The following KCNAB1 variants were observed in gnomAD, a reference collection of about 807,000 sequenced individuals.
KCNAB1 encodes the protein potassium voltage-gated channel subfamily A regulatory beta subunit 1, also known as voltage-gated potassium channel subunit beta-1.
In KCNAB1, 35 loss-of-function variants were observed where a neutral mutation model predicts 64.6. That is an observed-to-expected ratio of 0.54 (90% confidence interval 0.41 to 0.72). KCNAB1 has a LOEUF of 0.72. Ranked by LOEUF, KCNAB1 falls within the 30% of genes least tolerant of loss-of-function variation. KCNAB1 has a pLI of 0.00. For synonymous variants in KCNAB1, 177 were observed against 183.8 expected (o/e 0.96, Z 0.30); for missense variants, 401 against 512.9 (o/e 0.78, Z 2.11).
chr3:156,120,494 A>G (rs1211498704), upstream of KCNAB1: 2 of 1,140,320 alleles, frequency 1.8e-6, no homozygotes, highest in Non-Finnish European at 2.5e-6. Flanking sequence ...GCTTTGTGGC[A>G]GGATAAGGTT....
intron 1 of KCNAB1, chr3:156,176,036 C>T (rs1356127279): frequency 7.6e-6 from 6 of 788,450 alleles, no homozygotes; most frequent in East Asian, 2.5e-5. Context: ...TTGCTTCCAT[C>T]AGGTGACCAA....
intron 8 of KCNAB1, among the ~76,000 whole-genome samples, chr3:156,495,418 A>T (rs1715944536): frequency 6.6e-6 from 1 of 152,328 alleles, no homozygotes; most frequent in Admixed American, 6.5e-5. Context: ...TATTATAAAG[A>T]TACATGCACA....
chr3:156,296,574 T>C lies in KCNAB1; in HGVS notation c.276-125042T>C, dbSNP rs181568492. ...CTGCAAGGTCCGCCTCCTGGGTTCATGCCATTCTCCTGCCTCAGCCTCCCG... is the reference window on the plus strand; with the variant it reads ...CTGCAAGGTCCGCCTCCTGGGTTCACGCCATTCTCCTGCCTCAGCCTCCCG... On this transcript the variant is annotated intron_variant, in intron 1 of 13. Transcript: ENST00000490337. Among the ~76,000 whole-genome samples the C allele has an allele frequency of 4.3e-3, 648 of 149,096 alleles. 1 individual carries two copies. The highest frequency in any genetic ancestry group is 9.7e-3 in the South Asian group (44 of 4,546).
intron 8 of KCNAB1, 104 bp downstream of exon 8, chr3:156,474,924 A>C: frequency 1.1e-6 from 1 of 928,116 alleles, no homozygotes; most frequent in Non-Finnish European, 1.7e-6. Flanking sequence ...GATCAAACTG[A>C]ATGTGAAAAA....
intron 1 of KCNAB1, among the ~76,000 whole-genome samples, chr3:156,210,640 C>T (rs188390251): frequency 7.6e-4 from 115 of 152,296 alleles, no homozygotes; most frequent in Admixed American, 5.6e-3. Context: ...ATCACCAAAC[C>T]GGGTCCAGAG....
chr3:156,171,188 C>CACAA (rs1162303073), intron 1 of KCNAB1, among the ~76,000 whole-genome samples: 1 of 26,524 alleles, frequency 3.8e-5, no homozygotes, highest in African/African-American at 1.0e-4. Context: ...AAACTTCACG[C>CACAA]ACACATACAC....
chr3:156,485,427 G>A (rs2679596), intron 8 of KCNAB1, among the ~76,000 whole-genome samples: 84,662 of 151,816 alleles, frequency 0.56, 25,022 homozygotes, highest in African/African-American at 0.75. Flanking sequence ...TATCTCCTGA[G>A]AATAAGGCAT....
chr3:156,462,034 T>C (rs148569683), intron 5 of KCNAB1, among the ~76,000 whole-genome samples: 2 of 152,336 alleles, frequency 1.3e-5, no homozygotes, highest in Admixed American at 6.5e-5. Context: ...TACCCACCTG[T>C]AAAATGGACA....
intron 1 of KCNAB1, among the ~76,000 whole-genome samples, chr3:156,146,409 C>T (rs1715040990): frequency 6.6e-6 from 1 of 152,132 alleles, no homozygotes; most frequent in African/African-American, 2.4e-5. Flanking sequence ...AGACAGTAAA[C>T]ACGAGCCTGA....
At chr3:156,304,668 CA>C (rs1721367819) in intron 1 of KCNAB1, among the ~76,000 whole-genome samples, 1 of 152,168 alleles carries the variant, frequency 6.6e-6, no homozygotes, top group Non-Finnish European at 1.5e-5. Flanking sequence ...AGGGCAGAGG[CA>C]GGACTGGAGC....
chr3:156,483,656 A>C lies in KCNAB1; in HGVS notation c.658+8836A>C, dbSNP rs12636365. Among the ~76,000 whole-genome samples, 706 of 152,192 alleles carry C rather than the reference A, an allele frequency of 4.6e-3. 10 individuals carry two copies. In the East Asian group the frequency reaches 0.052, roughly 11 times the overall value. On this transcript the variant is annotated intron_variant, in intron 8 of 13. Transcript: ENST00000490337. ...TGTTTCACTTTCTTTCTTGAGCAGA[A>C]CTGAATAATCTTAAGTCATACAGCA...
intron 8 of KCNAB1, among the ~76,000 whole-genome samples, chr3:156,510,387 T>G (rs1717125154): frequency 6.6e-6 from 1 of 152,140 alleles, no homozygotes; most frequent in Non-Finnish European, 1.5e-5. Context: ...AGTGTCCTTC[T>G]TACCTCTAGG....
At chr3:156,312,703 CAAAAAAAAAAAAAAAAAA>C (rs397991453) in intron 1 of KCNAB1, among the ~76,000 whole-genome samples, 1 of 27,406 alleles carries the variant, frequency 3.6e-5, no homozygotes, top group African/African-American at 1.2e-4. Flanking sequence ...AGACTGTCTC[CAAAAAAAAAAAAAAAAAA>C]AAAAAAAAAA....
chr3:156,296,296 T>C (rs1159014833), intron 1 of KCNAB1, among the ~76,000 whole-genome samples: 1 of 152,176 alleles, frequency 6.6e-6, no homozygotes, highest in Non-Finnish European at 1.5e-5. Context: ...CAGCTACCAG[T>C]GTTTGACATG....
chr3:156,268,204 CTT>C (rs1718831480), intron 1 of KCNAB1, among the ~76,000 whole-genome samples: 2 of 152,226 alleles, frequency 1.3e-5, no homozygotes, highest in South Asian at 4.1e-4. Flanking sequence ...GATAGAATCT[CTT>C]TATTTTTTAT....
chr3:156,134,752 C>T (rs1241046317), intron 1 of KCNAB1, among the ~76,000 whole-genome samples: 2 of 152,208 alleles, frequency 1.3e-5, no homozygotes, highest in African/African-American at 4.8e-5. Flanking sequence ...TTGTAGTCTA[C>T]ATTTTATAAA....
chr3:156,437,336 A>G (rs76793847), intron 2 of KCNAB1, among the ~76,000 whole-genome samples: 2,006 of 152,290 alleles, frequency 0.013, 44 homozygotes, highest in African/African-American at 0.045. Context: ...TTCTATTTCT[A>G]TTTGAATCTG....
intron 1 of KCNAB1, among the ~76,000 whole-genome samples, chr3:156,378,338 C>T (rs947367388): frequency 6.6e-6 from 1 of 152,024 alleles, no homozygotes; most frequent in African/African-American, 2.4e-5. Flanking sequence ...GCTTCTCTGA[C>T]CCTTACAGTC....
intron 1 of KCNAB1, among the ~76,000 whole-genome samples, chr3:156,240,162 T>G (rs1355065629): frequency 6.6e-6 from 1 of 152,224 alleles, no homozygotes; most frequent in Admixed American, 6.5e-5. Context: ...AACATAAGCC[T>G]TGGGGTTAAG....
Sources: gnomAD v4.1 joint callset for allele counts (sites outside exome capture counted in the v4.1 genomes callset) on GRCh38, gnomAD v4.1.1 for gene constraint, MANE v1.5 for transcripts, NCBI Gene and HGNC (gene_info 2026-07-23, HGNC 2026-07-21) for gene names.